SMCHD1: variants seen among roughly 807,000 people sequenced by gnomAD.
The protein encoded by SMCHD1 is structural maintenance of chromosomes flexible hinge domain containing 1.
SMCHD1 carries 78 observed loss-of-function variants against 254.7 expected under a neutral mutation model. The observed-to-expected ratio is 0.31, with a 90% CI of 0.26 to 0.37. SMCHD1 has a LOEUF of 0.37. Among genes scored for constraint, SMCHD1 ranks in the 10% least tolerant of loss-of-function variants. The pLI is 1.00. For missense variants in SMCHD1, 1,840 were observed against 2,408.1 expected (o/e 0.76, Z 4.94); for synonymous variants, 766 against 794.9 (o/e 0.96, Z 0.61).
At position 2,697,112 on chromosome 18, in the gene SMCHD1, T is replaced by C. The variant is rs1456347365; in HGVS notation, c.1121T>C (p.Ile374Thr). Residue 374 changes from isoleucine (I) to threonine (T), a missense_variant, in exon 9 of 48, where the codon ATT becomes ACT. Ile to Thr is a moderately conservative substitution (Grantham distance 89). Transcript: ENST00000320876. The part of the protein sequence containing the change: ...TSKEVEPFNN[I>T]DIEISMFEKG... ...AAAGAAGTTGAACCTTTCAACAATA[T>C]TGATATTGAAGTAAGAGAAAAATCC... The C allele has an allele frequency of 6.9e-7, 1 of 1,444,848 alleles. No homozygotes were observed. The highest frequency in any genetic ancestry group is 9.3e-7 in the Non-Finnish European group (1 of 1,076,652). The allele number at this position is 1,444,848 out of a possible 1,614,324, so 89.5% of individuals were successfully genotyped here. A position where few individuals can be genotyped will look rare whatever the true frequency, so the allele number is the denominator to read the frequency against.
intron 42 of SMCHD1, among the ~76,000 whole-genome samples, chr18:2,776,214 TA>T (rs1352478290): frequency 2.0e-5 from 3 of 152,172 alleles, no homozygotes; most frequent in Admixed American, 6.5e-5. Flanking sequence ...AAAGACATAA[TA>T]TTTTTTTTTA....
In SMCHD1 at chr18:2,685,094, A is replaced by ATTTTTTTTTTTTTTTTTTTTT. The variant is rs372694951; in HGVS notation, c.639-3293_639-3292insTTTTTTTTTTTTTTTTTTTTT. Among the ~76,000 whole-genome samples the ATTTTTTTTTTTTTTTTTTTTT allele has an allele frequency of 7.3e-5, 6 of 81,880 alleles. 3 individuals are homozygous for ATTTTTTTTTTTTTTTTTTTTT. Among genetic ancestry groups the ATTTTTTTTTTTTTTTTTTTTT allele is most frequent in the African/African-American group, 2.0e-4 (4 of 19,674 alleles). 53.7% of individuals were successfully genotyped at this position (81,880 alleles called of 152,430 possible). On this transcript the variant is annotated intron_variant, in intron 5 of 47. Transcript: ENST00000320876. The stretch of plus-strand genomic sequence containing the variant: ...AGCACACTGTTCTGTTCTGTCCCTT[A>ATTTTTTTTTTTTTTTTTTTTT]TTTTTTTCTTTTTTTTTTTTTTTTG...
intron 25 of SMCHD1, among the ~76,000 whole-genome samples, chr18:2,733,319 G>A (rs1003105602): frequency 2.0e-5 from 3 of 152,184 alleles, no homozygotes; most frequent in Non-Finnish European, 4.4e-5. Context: ...AACCCGTTAA[G>A]AGAACCTAAT....
At position 2,775,808 on chromosome 18, in the gene SMCHD1, C is replaced by CT. The variant is rs1442592241; in HGVS notation, c.5251dup (p.Cys1751LeufsTer8). The CT allele has an allele frequency of 6.2e-7, 1 of 1,613,408 alleles. No homozygotes were observed. On this transcript the variant is annotated frameshift_variant, in exon 42 of 48. Coordinates refer to ENST00000320876, the MANE Select transcript of SMCHD1 (RefSeq NM_015295.3). LOFTEE classifies it high-confidence loss of function. ...CTTGGCATCTGGCAAGTGACATGGACTGTGTAGTCACCCTAACCACTGACG... is the reference window on the plus strand; with the variant it reads ...CTTGGCATCTGGCAAGTGACATGGACTTGTGTAGTCACCCTAACCACTGACG...
Position 2,722,682 on chromosome 18 carries a change from A to T in SMCHD1, c.2603+19A>T, listed in dbSNP as rs747465690. 1.3e-6 allele frequency: 2 copies of T among 1,599,940 alleles called. No homozygotes were observed. The highest frequency in any genetic ancestry group is 3.5e-5 in the Admixed American group (2 of 57,568). On this transcript the variant is annotated intron_variant, in intron 20 of 47. Coordinates refer to ENST00000320876, the MANE Select transcript of SMCHD1 (RefSeq NM_015295.3). Reference sequence around the variant, plus strand: ...AAGCAAGGTAATTTGAAGGATCAATATGTATTTGTCCTTTGATATTTGCTA... The same window carrying T: ...AAGCAAGGTAATTTGAAGGATCAATTTGTATTTGTCCTTTGATATTTGCTA...
chr18:2,704,605 T>TTG (rs1491246623), intron 13 of SMCHD1, among the ~76,000 whole-genome samples: 4 of 74,752 alleles, frequency 5.4e-5, no homozygotes, highest in Non-Finnish European at 1.1e-4. Context: ...GAGGAGAGGA[T>TTG]TTTTTTTTTT....
chr18:2,721,381 C>CT (rs1029445090), intron 19 of SMCHD1, among the ~76,000 whole-genome samples: 27 of 150,790 alleles, frequency 1.8e-4, no homozygotes, highest in Admixed American at 3.3e-4. Flanking sequence ...GTGTGGTTTT[C>CT]TTTTTTTTTA....
intron 15 of SMCHD1, 49 bp from the exon 16 acceptor site, chr18:2,707,514 T>A: frequency 3.6e-6 from 4 of 1,115,320 alleles, no homozygotes; most frequent in Non-Finnish European, 5.3e-6. Context: ...TTAATTAAGA[T>A]CATAATTAAC....
At chr18:2,666,830 A>C (rs2073453872) in intron 2 of SMCHD1, 40 bp from the exon 3 acceptor site, 7 of 1,524,576 alleles carry the variant, frequency 4.6e-6, no homozygotes, top group Non-Finnish European at 6.3e-6. Flanking sequence ...TGAGTTTCTG[A>C]TGCTGACCTA....
At chr18:2,777,070 C>G (rs377296359) in intron 42 of SMCHD1, among the ~76,000 whole-genome samples, 5 of 148,964 alleles carry the variant, frequency 3.4e-5, no homozygotes, top group Admixed American at 6.7e-5. Flanking sequence ...CCTCCCCCCC[C>G]CATACCCTAA....
intron 21 of SMCHD1, 108 bp from the exon 22 acceptor site, chr18:2,726,344 C>T (rs1471004268): frequency 2.0e-5 from 11 of 556,478 alleles, no homozygotes; most frequent in Non-Finnish European, 3.4e-5. Context: ...TAAGTAATTT[C>T]TACAATGGTA....
chr18:2,709,212 GTGTATATA>G (rs1235564187), intron 17 of SMCHD1, among the ~76,000 whole-genome samples: 1 of 112,756 alleles, frequency 8.9e-6, no homozygotes, highest in African/African-American at 3.4e-5. Flanking sequence ...TCCCTTGTGT[GTGTATATA>G]TGTGTATATG....
chr18:2,669,324 G>C lies in SMCHD1; in HGVS notation c.424+2293G>C, dbSNP rs139297598. ...GACTGCACCCCTGCACTTCAGTCTG[G>C]GCAACAGAGTGAGCCTCTCTCTCTA... On this transcript the variant is annotated intron_variant, in intron 3 of 47. Transcript: ENST00000320876. Among the ~76,000 whole-genome samples the C allele has an allele frequency of 1.2e-4, 18 of 152,006 alleles. No individual in the cohort carries two copies. The East Asian group carries it at 3.5e-3, about 29-fold the overall frequency.
intron 41 of SMCHD1, among the ~76,000 whole-genome samples, chr18:2,775,068 A>ATTTTTTTT (rs10601895): frequency 7.1e-4 from 52 of 73,056 alleles, no homozygotes; most frequent in African/African-American, 2.2e-3. Context: ...AAAAGGAACA[A>ATTTTTTTT]TTTTTTTTTT....
At chr18:2,679,425 G>A (rs1369334814) in intron 5 of SMCHD1, among the ~76,000 whole-genome samples, 2 of 133,866 alleles carry the variant, frequency 1.5e-5, no homozygotes, top group Admixed American at 8.5e-5. Flanking sequence ...GCAGTGAGCC[G>A]AGATGGTGCC....
intron 17 of SMCHD1, 96 bp downstream of exon 17, chr18:2,708,016 G>C: frequency 1.5e-6 from 1 of 654,940 alleles, no homozygotes; most frequent in Non-Finnish European, 2.4e-6. Context: ...CTAGCAATCT[G>C]ATAGGCATAG....
At chr18:2,690,651 T>C (rs1006074872) in intron 7 of SMCHD1, among the ~76,000 whole-genome samples, 16 of 150,714 alleles carry the variant, frequency 1.1e-4, no homozygotes, top group South Asian at 2.1e-4. Context: ...TTTTTCTTTT[T>C]TTTTTTTTTT....
intron 5 of SMCHD1, among the ~76,000 whole-genome samples, chr18:2,680,080 T>G (rs2073890245): frequency 6.6e-6 from 1 of 152,100 alleles, no homozygotes; most frequent in South Asian, 2.1e-4. Flanking sequence ...ATACTCTCTG[T>G]TTGGTGAAAT....
chr18:2,711,919 A>G (rs1335441568), intron 17 of SMCHD1, among the ~76,000 whole-genome samples: 7 of 152,196 alleles, frequency 4.6e-5, no homozygotes, highest in Non-Finnish European at 8.8e-5. Flanking sequence ...GTTGTTAAAA[A>G]GAACCTGGCA....
Sources: allele counts gnomAD v4.1 joint callset (sites outside exome capture counted in the v4.1 genomes callset), GRCh38; gene constraint gnomAD v4.1.1; transcripts MANE v1.5; gene names NCBI Gene and HGNC (gene_info 2026-07-23, HGNC 2026-07-21).